Variants in YME1L1 observed in about 807,000 individuals in gnomAD.
YME1L1 encodes YME1 like 1 ATPase, also known as ATP-dependent zinc metalloprotease YME1L1.
YME1L1 carries 39 observed loss-of-function variants against 90.4 expected under a neutral mutation model. That is an observed-to-expected ratio of 0.43 (90% CI 0.33 to 0.56). YME1L1 has a LOEUF of 0.56. Among genes scored for constraint, YME1L1 ranks in the 20% least tolerant of loss-of-function variants. YME1L1 has a pLI of 0.03. For synonymous variants in YME1L1, 284 were observed against 287.3 expected, an observed-to-expected ratio of 0.99 and a Z score of 0.12; for missense variants, 617 against 868.4, an observed-to-expected ratio of 0.71 and a Z score of 3.64.
intron 1 of YME1L1, among the ~76,000 whole-genome samples, chr10:27,149,355 C>T (rs7067696): frequency 0.49 from 75,228 of 151,990 alleles, 21,347 homozygotes; most frequent in Non-Finnish European, 0.65. Flanking sequence ...CAACTCTCAT[C>T]GAAACATTTA....
At chr10:27,142,051 C>G (rs1440734777) in intron 4 of YME1L1, among the ~76,000 whole-genome samples, 1 of 131,976 alleles carries the variant, frequency 7.6e-6, no homozygotes, top group Non-Finnish European at 1.5e-5. Context: ...TGTTGTTGCT[C>G]TTTTTTTCTC....
In YME1L1 at chr10:27,152,131, GA is replaced by G. The variant is rs561472847; in HGVS notation, c.33+2046del. ...CCTTACAGCCTGGGGGCAGTAAAAA[GA>G]AAAAAAAATAAACAGTAACTTCTTT... On this transcript the variant is annotated intron_variant, in intron 1 of 18. Coordinates refer to ENST00000376016, the MANE Select transcript of YME1L1 (RefSeq NM_014263.4). Among the ~76,000 whole-genome samples, 1,475 of 148,652 alleles carry G rather than the reference GA, an allele frequency of 9.9e-3. 25 individuals carry two copies. The highest frequency in any genetic ancestry group is 0.035 in the African/African-American group (1,403 of 40,510).
rs1368036998 is a variant in YME1L1, at chr10:27,154,267, C to A, written c.-57G>T. 1.3e-5 allele frequency: 20 copies of A among 1,561,988 alleles called. No individual in the cohort carries two copies. The highest frequency in any genetic ancestry group is 1.9e-5 in the Admixed American group (1 of 52,530). On this transcript the variant is annotated 5_prime_UTR_variant, in exon 1 of 19. Coordinates refer to ENST00000376016, the MANE Select transcript of YME1L1 (RefSeq NM_014263.4). The stretch of plus-strand genomic sequence containing the variant: ...TGCCGAAACTGTGCCCCTCTGTCCA[C>A]GGCCCGGCGGGGAGGCGCTGAGCCC...
intron 3 of YME1L1, among the ~76,000 whole-genome samples, chr10:27,144,647 C>G (rs2057123369): frequency 1.3e-5 from 2 of 151,928 alleles, no homozygotes; most frequent in South Asian, 4.1e-4. Context: ...TCAATGTATT[C>G]TCAAAGATTA....
intron 7 of YME1L1, 88 bp from the exon 8 acceptor site, chr10:27,132,029 G>T: frequency 9.3e-7 from 1 of 1,070,904 alleles, no homozygotes; most frequent in South Asian, 1.5e-5. Flanking sequence ...GCAAAGCCTA[G>T]AAAAATTAAA....
At chr10:27,133,512 G>A (rs2056997044) in intron 7 of YME1L1, among the ~76,000 whole-genome samples, 1 of 152,108 alleles carries the variant, frequency 6.6e-6, no homozygotes, top group African/African-American at 2.4e-5. Context: ...ATTTAAAATA[G>A]TAATTCTAGA....
intron 2 of YME1L1, chr10:27,147,498 A>G: frequency 2.5e-6 from 4 of 1,613,142 alleles, no homozygotes; most frequent in Non-Finnish European, 3.4e-6. Flanking sequence ...CGCAGTGTAC[A>G]GGGATTGAGA....
At chr10:27,150,407 C>T (rs2057198574) in intron 1 of YME1L1, among the ~76,000 whole-genome samples, 1 of 152,010 alleles carries the variant, frequency 6.6e-6, no homozygotes. Context: ...GGAGTAGGGG[C>T]AAAATGAGGG....
Position 27,123,782 on chromosome 10 carries a change from A to AT in YME1L1, c.950-84dup. On this transcript the variant is annotated intron_variant, in intron 9 of 18. Transcript: ENST00000376016. ...GAACCTATAAAATAAATAATTATTCATTTATATAATTTTCAGGCTGAGGTC... is the reference window on the plus strand; with the variant it reads ...GAACCTATAAAATAAATAATTATTCATTTTATATAATTTTCAGGCTGAGGTC... 2.2e-6 allele frequency: 3 copies of AT among 1,373,950 alleles called. No homozygotes were observed. The South Asian group carries it at 4.8e-5, about 22-fold the overall frequency. 85.1% of individuals were successfully genotyped at this position (1,373,950 alleles called of 1,614,324 possible). A position where few individuals can be genotyped will look rare whatever the true frequency, so the allele number is the denominator to read the frequency against.
chr10:27,119,108 A>C (rs2056841066), intron 14 of YME1L1, among the ~76,000 whole-genome samples, 186 bp downstream of exon 14: 1 of 152,214 alleles, frequency 6.6e-6, no homozygotes, highest in Non-Finnish European at 1.5e-5. Context: ...CATTTGTTTG[A>C]TGTTAAGTTG....
chr10:27,112,217 A>G, intron 18 of YME1L1, 97 bp from the exon 19 acceptor site: 7 of 1,056,186 alleles, frequency 6.6e-6, no homozygotes, highest in South Asian at 4.9e-5. Flanking sequence ...ACCCTAAAAA[A>G]TATGAAATCT....
At chr10:27,121,596 C>T (rs2056868164) in intron 11 of YME1L1, 148 bp from the exon 12 acceptor site, 2 of 582,836 alleles carry the variant, frequency 3.4e-6, no homozygotes, top group East Asian at 2.9e-5. Context: ...ATGATCATAG[C>T]TCACTGCTGC....
intron 4 of YME1L1, among the ~76,000 whole-genome samples, chr10:27,140,328 C>T (rs765765276): frequency 3.2e-4 from 49 of 151,840 alleles, no homozygotes; most frequent in Admixed American, 1.0e-3. Context: ...AATTATATAA[C>T]GCCCTCAATG....
intron 9 of YME1L1, among the ~76,000 whole-genome samples, chr10:27,124,168 G>A (rs2056894629): frequency 6.6e-6 from 1 of 152,138 alleles, no homozygotes; most frequent in Non-Finnish European, 1.5e-5. Flanking sequence ...GGTGGGATAA[G>A]GTTATTATGT....
chr10:27,112,192 A>G, intron 18 of YME1L1, 72 bp from the exon 19 acceptor site: 1 of 1,428,902 alleles, frequency 7.0e-7, no homozygotes, highest in Non-Finnish European at 9.5e-7. Context: ...GGGAAGAGAA[A>G]GAAAAACTTT....
At chr10:27,125,669 T>G (rs997600257) in intron 9 of YME1L1, among the ~76,000 whole-genome samples, 2 of 145,910 alleles carry the variant, frequency 1.4e-5, no homozygotes, top group Admixed American at 1.4e-4. Context: ...AGACAGAATC[T>G]TGCTTTGTCA....
chr10:27,118,887 A>G (rs1465459756), intron 14 of YME1L1, among the ~76,000 whole-genome samples: 1 of 152,208 alleles, frequency 6.6e-6, no homozygotes, highest in Non-Finnish European at 1.5e-5. Flanking sequence ...CTATATAATT[A>G]CATAAGCAAC....
intron 9 of YME1L1, among the ~76,000 whole-genome samples, chr10:27,124,681 A>G (rs562932806): frequency 6.6e-6 from 1 of 152,254 alleles, no homozygotes; most frequent in South Asian, 2.1e-4. Context: ...ATACTACTCA[A>G]ATTTTCTACA....
In YME1L1 at chr10:27,154,289, G is replaced by A. The variant is rs1365833014; in HGVS notation, c.-79C>T. 1 of 1,510,856 alleles carries A rather than the reference G, an allele frequency of 6.6e-7. No homozygotes were observed. The allele number at this position is 1,510,856 out of a possible 1,614,324, so 93.6% of individuals were successfully genotyped here. A position where few individuals can be genotyped will look rare whatever the true frequency, so the allele number is the denominator to read the frequency against. ...CCACGGCCCGGCGGGGAGGCGCTGA[G>A]CCCTTCTTTTTTCCTTTTTCTCCGA... On this transcript the variant is annotated 5_prime_UTR_variant, in exon 1 of 19. Transcript: ENST00000376016.
Sources: allele counts gnomAD v4.1 joint callset (sites outside exome capture counted in the v4.1 genomes callset), GRCh38; gene constraint gnomAD v4.1.1; transcripts MANE v1.5; gene names NCBI Gene and HGNC (gene_info 2026-07-23, HGNC 2026-07-21).